The following CPT1A variants were observed in gnomAD, a reference collection of about 807,000 sequenced individuals.
The protein encoded by CPT1A is carnitine palmitoyltransferase 1A, also known as carnitine O-palmitoyltransferase 1, liver isoform.
A neutral mutation model predicts 100.8 loss-of-function variants in CPT1A; 64 were observed. The ratio of observed to expected loss-of-function variants is 0.63; its 90% CI spans 0.52 to 0.78. The LOEUF (loss-of-function observed/expected upper bound fraction) is 0.78. CPT1A is among the 30% of genes least tolerant of loss of function. The pLI, the probability that CPT1A is intolerant of heterozygous loss-of-function variation, is 0.00. For synonymous variants in CPT1A, 363 were observed against 396.0 expected (o/e 0.92, Z 0.99); for missense variants, 802 against 1,034.1 (o/e 0.78, Z 3.08).
intron 12 of CPT1A, among the ~76,000 whole-genome samples, chr11:68,777,369 G>A (rs966975609): frequency 1.3e-5 from 2 of 152,214 alleles, no homozygotes; most frequent in African/African-American, 4.8e-5. Context: ...GTTGGAGGTT[G>A]CAGTGAGCTG....
chr11:68,807,718 A>C (rs1252561759), intron 3 of CPT1A, 80 bp from the exon 4 acceptor site: 4 of 1,421,624 alleles, frequency 2.8e-6, no homozygotes, highest in South Asian at 1.2e-5. Flanking sequence ...CGCCACAGAC[A>C]CCACGTGCTG....
chr11:68,800,786 C>G (rs1270487481), intron 5 of CPT1A, among the ~76,000 whole-genome samples: 1 of 152,172 alleles, frequency 6.6e-6, no homozygotes, highest in Non-Finnish European at 1.5e-5. Flanking sequence ...TAGTCCCTCC[C>G]TGTACATTGA....
intron 9 of CPT1A, among the ~76,000 whole-genome samples, chr11:68,785,214 C>G (rs1388318522): frequency 3.3e-5 from 5 of 152,160 alleles, no homozygotes; most frequent in Non-Finnish European, 7.3e-5. Context: ...GGCCTGACTT[C>G]TGAGCTCAGC....
chr11:68,822,726 C>T (rs1856618028), intron 1 of CPT1A, among the ~76,000 whole-genome samples: 1 of 152,094 alleles, frequency 6.6e-6, no homozygotes, highest in Admixed American at 6.5e-5. Flanking sequence ...TGTGGTCCAT[C>T]CATACTGTGG....
At chr11:68,812,606 T>C in intron 2 of CPT1A, 30 bp from the exon 3 acceptor site, 1 of 1,613,312 alleles carries the variant, frequency 6.2e-7, no homozygotes, top group South Asian at 1.1e-5. Flanking sequence ...CCGTGAGCGG[T>C]GTCCTCCCAC....
At chr11:68,800,788 G>A (rs1361072307) in intron 5 of CPT1A, among the ~76,000 whole-genome samples, 2 of 152,070 alleles carry the variant, frequency 1.3e-5, no homozygotes, top group African/African-American at 4.8e-5. Context: ...GTCCCTCCCT[G>A]TACATTGAAA....
chr11:68,789,481 C>T (rs1855558824), intron 9 of CPT1A, among the ~76,000 whole-genome samples: 1 of 152,024 alleles, frequency 6.6e-6, no homozygotes, highest in African/African-American at 2.4e-5. Context: ...ACTGCAAGCT[C>T]CTCCTCCCAG....
chr11:68,762,935 C>T (rs545034262), intron 14 of CPT1A, among the ~76,000 whole-genome samples, 174 bp from the exon 15 acceptor site: 2 of 152,216 alleles, frequency 1.3e-5, no homozygotes, highest in Admixed American at 6.5e-5. Context: ...CAGCTCACTG[C>T]AGCTTCAACC....
chr11:68,762,963 TC>T (rs993288869), intron 14 of CPT1A, among the ~76,000 whole-genome samples: 1 of 151,980 alleles, frequency 6.6e-6, no homozygotes, highest in Non-Finnish European at 1.5e-5. Flanking sequence ...GCTCCGGTGA[TC>T]CCCCCACCTC....
chr11:68,773,434 A>AG lies in CPT1A; in HGVS notation c.1576-6dup, dbSNP rs1855051653. 2 of 1,614,036 alleles carry AG rather than the reference A, an allele frequency of 1.2e-6. No individual in the cohort carries two copies. Among genetic ancestry groups the AG allele is most frequent in the East Asian group, 4.5e-5 (2 of 44,870 alleles). On this transcript the variant is annotated splice_region_variant and splice_polypyrimidine_tract_variant and intron_variant, in intron 13 of 18. Transcript: ENST00000265641. The stretch of plus-strand genomic sequence containing the variant: ...GGTCTCTATAACCTCTTGACACTTG[A>AG]GAGAAAGAAGAAAAAGGTTTTACGG...
chr11:68,840,757 C>T (rs1857138403), intron 1 of CPT1A, among the ~76,000 whole-genome samples: 1 of 152,224 alleles, frequency 6.6e-6, no homozygotes, highest in Admixed American at 6.5e-5. Flanking sequence ...CCTGACAAAC[C>T]GAAAGAAGCC....
chr11:68,796,378 C>T (rs1486601855), intron 7 of CPT1A, among the ~76,000 whole-genome samples: 2 of 151,962 alleles, frequency 1.3e-5, no homozygotes, highest in Non-Finnish European at 2.9e-5. Flanking sequence ...ATAACATGGT[C>T]AAACCCCGTC....
chr11:68,754,620 T>A (rs1946659829), downstream of CPT1A: 1 of 588,978 alleles, frequency 1.7e-6, no homozygotes, highest in Admixed American at 3.0e-5. Flanking sequence ...AATTCATGCA[T>A]TACTTTTAAC....
intron 6 of CPT1A, among the ~76,000 whole-genome samples, chr11:68,798,823 G>T (rs910441324): frequency 6.6e-6 from 1 of 152,204 alleles, no homozygotes; most frequent in Non-Finnish European, 1.5e-5. Flanking sequence ...AGCCTCCTGC[G>T]TGCAAAACAC....
Position 68,820,512 on chromosome 11 carries a change from G to T in CPT1A, c.-13-5025C>A, listed in dbSNP as rs184250510. On this transcript the variant is annotated intron_variant, in intron 1 of 18. Transcript: ENST00000265641. ...AGCCTGGCCAACATGGCGAAACCCT[G>T]TCTTTACTAAAAATACAAAAATTAG... Among the ~76,000 whole-genome samples, 738 of 152,006 alleles carry T rather than the reference G, an allele frequency of 4.9e-3. 3 individuals carry two copies. The highest frequency in any genetic ancestry group is 8.3e-3 in the Non-Finnish European group (563 of 67,968).
intron 14 of CPT1A, among the ~76,000 whole-genome samples, chr11:68,766,991 C>T (rs1286673980): frequency 3.3e-5 from 5 of 152,286 alleles, no homozygotes; most frequent in South Asian, 4.2e-4. Flanking sequence ...GCGACTACTC[C>T]GCTCTCCCAC....
intron 11 of CPT1A, among the ~76,000 whole-genome samples, chr11:68,781,153 G>T (rs779374760): frequency 1.3e-5 from 2 of 152,102 alleles, no homozygotes; most frequent in African/African-American, 2.4e-5. Context: ...CAACACCCTG[G>T]CCTAACCCTG....
intron 9 of CPT1A, among the ~76,000 whole-genome samples, chr11:68,790,284 TG>T (rs1855578294): frequency 6.6e-6 from 1 of 152,146 alleles, no homozygotes; most frequent in Non-Finnish European, 1.5e-5. Context: ...TTGCCCAGGC[TG>T]CTCTCAAACT....
At chr11:68,803,903 T>G in intron 5 of CPT1A, 97 bp downstream of exon 5, 11 of 979,828 alleles carry the variant, frequency 1.1e-5, no homozygotes, top group East Asian at 2.4e-5. Context: ...GAAGGCTACT[T>G]GAGCCAAATG....
Sources: gnomAD v4.1 joint callset for allele counts (sites outside exome capture counted in the v4.1 genomes callset) on GRCh38, gnomAD v4.1.1 for gene constraint, MANE v1.5 for transcripts, NCBI Gene and HGNC (gene_info 2026-07-23, HGNC 2026-07-21) for gene names.